The following PCDH9 variants were observed in gnomAD, a reference collection of about 807,000 sequenced individuals.
PCDH9 encodes the protein protocadherin-9.
A neutral mutation model predicts 70.6 loss-of-function variants in PCDH9; 24 were observed. The observed-to-expected ratio is 0.34, with a 90% confidence interval of 0.25 to 0.48. The LOEUF (loss-of-function observed/expected upper bound fraction) is 0.48. Ranked by LOEUF, PCDH9 falls within the 20% of genes least tolerant of loss-of-function variation. The probability of loss-of-function intolerance (pLI) is 0.99; values close to 1 mark genes in which losing one functional copy is unlikely to be tolerated. For synonymous variants in PCDH9, 562 were observed against 558.5 expected, an observed-to-expected ratio of 1.01 and a Z score of -0.09; for missense variants, 1,281 against 1,503.6, an observed-to-expected ratio of 0.85 and a Z score of 2.45.
chr13:66,786,046 T>C (rs2080074768), intron 3 of PCDH9, among the ~76,000 whole-genome samples: 1 of 152,164 alleles, frequency 6.6e-6, no homozygotes, highest in Non-Finnish European at 1.5e-5. Context: ...AATTTATTAG[T>C]TCTTTATGGA....
At chr13:67,179,904 A>G (rs974748574) in intron 2 of PCDH9, among the ~76,000 whole-genome samples, 1 of 152,140 alleles carries the variant, frequency 6.6e-6, no homozygotes, top group Admixed American at 6.6e-5. Context: ...GCAAATATTG[A>G]TTGCAATATA....
chr13:66,475,918 A>C (rs1402617662), intron 4 of PCDH9, among the ~76,000 whole-genome samples: 1 of 152,030 alleles, frequency 6.6e-6, no homozygotes, highest in African/African-American at 2.4e-5. Context: ...TCTCTTCCCT[A>C]ACTGAGCCCT....
At chr13:66,339,371 T>C (rs1956088678) in intron 4 of PCDH9, among the ~76,000 whole-genome samples, 1 of 152,058 alleles carries the variant, frequency 6.6e-6, no homozygotes, top group African/African-American at 2.4e-5. Flanking sequence ...TTGTGAGAGA[T>C]GTGTGTTGGG....
At chr13:66,393,962 A>C in intron 4 of PCDH9, among the ~76,000 whole-genome samples, 1 of 152,198 alleles carries the variant, frequency 6.6e-6, no homozygotes, top group East Asian at 1.9e-4. Context: ...AATTTGTACA[A>C]TGCTAAGGCA....
chr13:66,391,494 G>A (rs745927236), intron 4 of PCDH9, among the ~76,000 whole-genome samples: 35 of 152,142 alleles, frequency 2.3e-4, no homozygotes, highest in Non-Finnish European at 4.6e-4. Flanking sequence ...TTGAGCTTCA[G>A]TGATTTCATA....
At chr13:67,185,997 C>T (rs1413246803) in intron 2 of PCDH9, among the ~76,000 whole-genome samples, 1 of 152,058 alleles carries the variant, frequency 6.6e-6, no homozygotes, top group East Asian at 1.9e-4. Context: ...CTCCCAAAGT[C>T]CTGGCATTAC....
Position 66,767,789 on chromosome 13 carries a change from G to A in PCDH9, c.3138+135715C>T, listed in dbSNP as rs75227945. Among the ~76,000 whole-genome samples the A allele has an allele frequency of 4.1e-3, 618 of 152,114 alleles. 4 individuals are homozygous for A. Among genetic ancestry groups the A allele is most frequent in the African/African-American group, 0.014 (587 of 41,518 alleles). ...TTGTCTATGGAGCAATTTCACCAAAGAGATATTAAGAAAATCCTTTTTCCT... is the reference window on the plus strand; with the variant it reads ...TTGTCTATGGAGCAATTTCACCAAAAAGATATTAAGAAAATCCTTTTTCCT... On this transcript the variant is annotated intron_variant, in intron 3 of 4. Coordinates refer to ENST00000377865, the MANE Select transcript of PCDH9 (RefSeq NM_203487.3).
intron 2 of PCDH9, chr13:67,203,805 T>TAA (rs1469967766): frequency 1.2e-4 from 19 of 152,176 alleles, no homozygotes; most frequent in Middle Eastern, 3.4e-3. Context: ...GAAATTTTAT[T>TAA]AAAGCACCTT....
chr13:66,971,050 C>T (rs2083513449), intron 2 of PCDH9, among the ~76,000 whole-genome samples: 1 of 151,940 alleles, frequency 6.6e-6, no homozygotes, highest in Non-Finnish European at 1.5e-5. Context: ...ATGAGCTCAG[C>T]TTTCTAACCA....
At chr13:66,764,500 T>C (rs1449649807) in intron 3 of PCDH9, among the ~76,000 whole-genome samples, 1 of 152,006 alleles carries the variant, frequency 6.6e-6, no homozygotes, top group East Asian at 1.9e-4. Context: ...AAGTTACACC[T>C]CTATCAAGGT....
intron 3 of PCDH9, among the ~76,000 whole-genome samples, chr13:66,733,150 C>A (rs963817009): frequency 1.3e-5 from 2 of 152,048 alleles, no homozygotes; most frequent in Admixed American, 6.6e-5. Context: ...GGCTTTGAAT[C>A]TAACCTTGAA....
chr13:66,694,049 A>T (rs2078524805), intron 3 of PCDH9, among the ~76,000 whole-genome samples: 1 of 152,246 alleles, frequency 6.6e-6, no homozygotes. Context: ...ATCCCAGCTG[A>T]GAAAGCTAGT....
chr13:66,875,494 T>A (rs1302487610), intron 3 of PCDH9, among the ~76,000 whole-genome samples: 1 of 152,196 alleles, frequency 6.6e-6, no homozygotes, highest in African/African-American at 2.4e-5. Flanking sequence ...ACACAAAGCA[T>A]ACAAAGCACA....
rs200692230 is a variant in PCDH9, at chr13:66,970,466, C to CA, written c.3037-66862dup. Among the ~76,000 whole-genome samples the CA allele has an allele frequency of 8.1e-3, 1,213 of 150,528 alleles. 23 individuals carry two copies. The highest frequency in any genetic ancestry group is 0.028 in the African/African-American group (1,153 of 41,028). ...TAACATAGCAAGAACCCCATCTCTA[C>CA]AAAAAAAATAATAAATAATAAAAAT... On this transcript the variant is annotated intron_variant, in intron 2 of 4. Coordinates refer to ENST00000377865, the MANE Select transcript of PCDH9 (RefSeq NM_203487.3).
chr13:66,529,133 A>T (rs1207162104), intron 4 of PCDH9, among the ~76,000 whole-genome samples: 1 of 152,132 alleles, frequency 6.6e-6, no homozygotes, highest in Non-Finnish European at 1.5e-5. Flanking sequence ...TGAAGTAATT[A>T]CTCAGTGAAT....
chr13:66,439,481 T>C (rs965642806), intron 4 of PCDH9, among the ~76,000 whole-genome samples: 2 of 152,160 alleles, frequency 1.3e-5, no homozygotes, highest in African/African-American at 4.8e-5. Flanking sequence ...AGATGATGGA[T>C]ATGTTAATTG....
intron 3 of PCDH9, among the ~76,000 whole-genome samples, chr13:66,708,095 G>A (rs1381063238): frequency 6.6e-6 from 1 of 151,458 alleles, no homozygotes; most frequent in Non-Finnish European, 1.5e-5. Context: ...TGTCGCCCAG[G>A]CTGGAGTGCA....
intron 2 of PCDH9, among the ~76,000 whole-genome samples, chr13:67,052,800 T>C (rs1237323658): frequency 6.6e-6 from 1 of 151,986 alleles, no homozygotes; most frequent in African/African-American, 2.4e-5. Context: ...AGGTGGGGGA[T>C]CAAAGGATGA....
intron 3 of PCDH9, among the ~76,000 whole-genome samples, chr13:66,844,628 C>G (rs949177364): frequency 1.3e-5 from 2 of 151,092 alleles, no homozygotes; most frequent in Admixed American, 6.6e-5. Context: ...ACCTAAGTAG[C>G]ACGGTAACCA....
Sources: allele counts gnomAD v4.1 joint callset (sites outside exome capture counted in the v4.1 genomes callset), GRCh38; gene constraint gnomAD v4.1.1; transcripts MANE v1.5; gene names NCBI Gene and HGNC (gene_info 2026-07-23, HGNC 2026-07-21).